The following KCNH1 variants were observed in gnomAD, a reference collection of about 807,000 sequenced individuals.
KCNH1 encodes potassium voltage-gated channel subfamily H member 1, also known as voltage-gated delayed rectifier potassium channel KCNH1.
In KCNH1, 27 loss-of-function variants were observed where a neutral mutation model predicts 69.2. That is an observed-to-expected ratio of 0.39 (90% CI 0.29 to 0.54). KCNH1 has a LOEUF of 0.54. Ranked by LOEUF, KCNH1 falls within the 20% of genes least tolerant of loss-of-function variation. The pLI is 0.68. For synonymous variants in KCNH1, 456 were observed against 487.7 expected, an observed-to-expected ratio of 0.93 and a Z score of 0.86; for missense variants, 798 against 1,261.6, an observed-to-expected ratio of 0.63 and a Z score of 5.57.
At chr1:210,738,103 T>G (rs950027747) in intron 10 of KCNH1, among the ~76,000 whole-genome samples, 7 of 151,930 alleles carry the variant, frequency 4.6e-5, no homozygotes, top group Non-Finnish European at 1.5e-5. Context: ...CTCCTCTCAT[T>G]CACTCCCCCC....
intron 7 of KCNH1, among the ~76,000 whole-genome samples, chr1:210,875,220 A>C (rs1014082647): frequency 3.9e-5 from 6 of 152,224 alleles, no homozygotes; most frequent in Non-Finnish European, 5.9e-5. Context: ...ATCTATCAGA[A>C]ACCTAGAGTC....
intron 9 of KCNH1, among the ~76,000 whole-genome samples, chr1:210,794,147 A>G (rs1684261745): frequency 6.6e-6 from 1 of 152,212 alleles, no homozygotes; most frequent in Non-Finnish European, 1.5e-5. Context: ...AACAACAAGA[A>G]CAAAACTCTG....
chr1:210,934,186 G>A (rs988960702), intron 6 of KCNH1, among the ~76,000 whole-genome samples: 3 of 151,984 alleles, frequency 2.0e-5, no homozygotes, highest in African/African-American at 7.3e-5. Flanking sequence ...TAGACAAATG[G>A]GATTATATAA....
intron 1 of KCNH1, among the ~76,000 whole-genome samples, chr1:211,125,388 A>C (rs1454346038): frequency 6.6e-6 from 1 of 152,252 alleles, no homozygotes; most frequent in Non-Finnish European, 1.5e-5. Flanking sequence ...TGATGATGGC[A>C]TAGAAGTCTA....
intron 10 of KCNH1, among the ~76,000 whole-genome samples, chr1:210,709,742 A>AAGAGAGAGAGAAAGAGAG (rs1682018468): frequency 6.9e-6 from 1 of 144,942 alleles, no homozygotes. Flanking sequence ...GAGAGAGAGA[A>AAGAGAGAGAGAAAGAGAG]AGAGAGAGAG....
At chr1:210,753,741 A>C (rs1458412071) in intron 10 of KCNH1, among the ~76,000 whole-genome samples, 2 of 151,882 alleles carry the variant, frequency 1.3e-5, no homozygotes, top group Non-Finnish European at 2.9e-5. Context: ...CCCAGGCCCT[A>C]CCCCACCCCT....
At chr1:211,029,971 G>C (rs1228564733) in intron 5 of KCNH1, among the ~76,000 whole-genome samples, 1 of 152,074 alleles carries the variant, frequency 6.6e-6, no homozygotes, top group Non-Finnish European at 1.5e-5. Flanking sequence ...AAAACGTGCA[G>C]GATTTGAATG....
At chr1:211,000,156 T>C (rs1558561894) in intron 6 of KCNH1, among the ~76,000 whole-genome samples, 1 of 152,196 alleles carries the variant, frequency 6.6e-6, no homozygotes, top group Non-Finnish European at 1.5e-5. Context: ...TTGGAAGTTG[T>C]GGCCAGGGCA....
At chr1:210,807,732 G>T (rs995714697) in intron 7 of KCNH1, among the ~76,000 whole-genome samples, 2 of 152,150 alleles carry the variant, frequency 1.3e-5, no homozygotes, top group South Asian at 2.1e-4. Context: ...CCAAGTTGTT[G>T]CATGTTTCAA....
intron 5 of KCNH1, among the ~76,000 whole-genome samples, chr1:211,036,665 G>A (rs76773679): frequency 2.0e-5 from 3 of 152,170 alleles, no homozygotes; most frequent in South Asian, 2.1e-4. Context: ...GAAGCTTTGC[G>A]GAGAAATTAG....
At chr1:210,990,385 C>T (rs1241221433) in intron 6 of KCNH1, among the ~76,000 whole-genome samples, 1 of 152,142 alleles carries the variant, frequency 6.6e-6, no homozygotes. Flanking sequence ...GCCTGCTGGC[C>T]GTTACTCATG....
chr1:211,123,423 C>A (rs1476396518), intron 1 of KCNH1, among the ~76,000 whole-genome samples: 1 of 152,112 alleles, frequency 6.6e-6, no homozygotes, highest in Non-Finnish European at 1.5e-5. Context: ...CACAGGGGAG[C>A]ATCTATGAGG....
intron 10 of KCNH1, among the ~76,000 whole-genome samples, chr1:210,762,588 T>C (rs1244457672): frequency 2.6e-5 from 4 of 152,128 alleles, no homozygotes. Flanking sequence ...GAGACTATTA[T>C]GAACATCTCT....
chr1:211,112,323 C>T (rs1471170120), intron 1 of KCNH1, among the ~76,000 whole-genome samples: 2 of 125,684 alleles, frequency 1.6e-5, no homozygotes, highest in African/African-American at 6.1e-5. Flanking sequence ...CCCCGGGGCC[C>T]GGGTCTGGGA....
intron 10 of KCNH1, among the ~76,000 whole-genome samples, chr1:210,713,843 C>T (rs1489084342): frequency 1.3e-5 from 2 of 152,130 alleles, no homozygotes; most frequent in African/African-American, 2.4e-5. Context: ...CAGAGGTCAA[C>T]TACACAAAAG....
At chr1:210,966,458 T>A (rs1361497181) in intron 6 of KCNH1, among the ~76,000 whole-genome samples, 2 of 152,054 alleles carry the variant, frequency 1.3e-5, no homozygotes, top group Non-Finnish European at 2.9e-5. Flanking sequence ...ACCTACAGAA[T>A]GGGAGAAAAT....
chr1:211,023,584 T>C (rs1026511797), intron 5 of KCNH1, among the ~76,000 whole-genome samples: 1 of 151,818 alleles, frequency 6.6e-6, no homozygotes, highest in African/African-American at 2.4e-5. Flanking sequence ...GTTCCGCTCA[T>C]ATATGAGAGC....
chr1:210,926,772 A>G (rs1262294288), intron 6 of KCNH1, among the ~76,000 whole-genome samples: 1 of 152,174 alleles, frequency 6.6e-6, no homozygotes, highest in Non-Finnish European at 1.5e-5. Context: ...CTAATCAAGA[A>G]GGCACCAGAG....
chr1:210,798,525 T>G (rs932080774), intron 8 of KCNH1, among the ~76,000 whole-genome samples: 23 of 152,234 alleles, frequency 1.5e-4, no homozygotes, highest in African/African-American at 5.5e-4. Context: ...CTTTTAGGTG[T>G]AATAAGCCTT....
Sources: gnomAD v4.1 joint callset for allele counts (sites outside exome capture counted in the v4.1 genomes callset) on GRCh38, gnomAD v4.1.1 for gene constraint, MANE v1.5 for transcripts, NCBI Gene and HGNC (gene_info 2026-07-23, HGNC 2026-07-21) for gene names.